ANGPT1: variants seen among roughly 807,000 people sequenced by gnomAD.
ANGPT1 encodes the protein angiopoietin 1, also known as angiopoietin-1.
In ANGPT1, 17 loss-of-function variants were observed where a neutral mutation model predicts 62.2. The ratio of observed to expected loss-of-function variants is 0.27; its 90% confidence interval spans 0.19 to 0.41. ANGPT1 has a LOEUF of 0.41. ANGPT1 is among the 10% of genes least tolerant of loss of function. ANGPT1 has a pLI of 1.00. For synonymous variants in ANGPT1, 199 were observed against 198.9 expected, an observed-to-expected ratio of 1.00 and a Z score of 0.00; for missense variants, 478 against 594.9, an observed-to-expected ratio of 0.80 and a Z score of 2.04.
chr8:107,402,539 G>A (rs187622574), intron 1 of ANGPT1, among the ~76,000 whole-genome samples: 8 of 152,304 alleles, frequency 5.3e-5, no homozygotes, highest in Non-Finnish European at 8.8e-5. Flanking sequence ...GCACTAGAGA[G>A]TTCTATTAAT....
chr8:107,258,379 C>T (rs758121291), intron 8 of ANGPT1, among the ~76,000 whole-genome samples: 1 of 152,016 alleles, frequency 6.6e-6, no homozygotes, highest in Non-Finnish European at 1.5e-5. Context: ...TTGGAAGCTT[C>T]ATATATGTTA....
intron 1 of ANGPT1, among the ~76,000 whole-genome samples, chr8:107,378,904 A>G (rs1428350787): frequency 6.7e-6 from 1 of 148,842 alleles, no homozygotes; most frequent in Non-Finnish European, 1.5e-5. Context: ...CAGTGTGAAA[A>G]TGAACAAATA....
At chr8:107,483,381 T>C (rs1812735119) in intron 1 of ANGPT1, among the ~76,000 whole-genome samples, 1 of 152,178 alleles carries the variant, frequency 6.6e-6, no homozygotes, top group Non-Finnish European at 1.5e-5. Context: ...GTATGAGTTT[T>C]CCACTGCTAT....
At chr8:107,421,227 C>T (rs1054946182) in intron 1 of ANGPT1, among the ~76,000 whole-genome samples, 11 of 152,074 alleles carry the variant, frequency 7.2e-5, no homozygotes, top group Non-Finnish European at 2.9e-5. Flanking sequence ...CTTCATTTTT[C>T]CAATAGCTGT....
chr8:107,461,132 G>A (rs1226417553), intron 1 of ANGPT1, among the ~76,000 whole-genome samples: 2 of 152,030 alleles, frequency 1.3e-5, no homozygotes, highest in African/African-American at 4.8e-5. Context: ...TATCATATTT[G>A]TCACTATCTT....
intron 5 of ANGPT1, among the ~76,000 whole-genome samples, chr8:107,300,069 GTATCTA>G (rs1470223444): frequency 7.6e-6 from 1 of 132,020 alleles, no homozygotes; most frequent in Non-Finnish European, 1.6e-5. Flanking sequence ...CTAGATATAG[GTATCTA>G]TATCTATAGA....
chr8:107,374,834 G>A (rs1816494349), intron 1 of ANGPT1, among the ~76,000 whole-genome samples: 2 of 152,166 alleles, frequency 1.3e-5, no homozygotes, highest in Admixed American at 6.5e-5. Flanking sequence ...AAATCTGGAT[G>A]GTATCAGATG....
At chr8:107,303,485 C>A in intron 4 of ANGPT1, 118 bp from the exon 5 acceptor site, 1 of 825,444 alleles carries the variant, frequency 1.2e-6, no homozygotes, top group Non-Finnish European at 1.8e-6. Flanking sequence ...CAATATCGCA[C>A]ATAGTAAAAA....
rs1357245684 is a variant in ANGPT1 at position 107,250,646 on chromosome 8, G to GT, written c.*1208dup. The stretch of plus-strand genomic sequence containing the variant: ...ATATTCCAGATTAATTAGCTATTAG[G>GT]TTTTTTGCAGATATAAACATGCTAT... On this transcript the variant is annotated 3_prime_UTR_variant, in exon 9 of 9. Transcript: ENST00000517746. The GT allele has an allele frequency of 6.6e-6, 1 of 151,888 alleles. No homozygotes were observed. Among genetic ancestry groups the GT allele is most frequent in the African/African-American group, 2.4e-5 (1 of 41,374 alleles). 9.4% of individuals were successfully genotyped at this position (151,888 alleles called of 1,614,324 possible). A position where few individuals can be genotyped will look rare whatever the true frequency, so the allele number is the denominator to read the frequency against.
At chr8:107,295,789 A>G (rs1814399051) in intron 5 of ANGPT1, among the ~76,000 whole-genome samples, 1 of 152,164 alleles carries the variant, frequency 6.6e-6, no homozygotes, top group South Asian at 2.1e-4. Flanking sequence ...TAGACCAAGG[A>G]TAAAAATATG....
At chr8:107,419,318 A>G (rs980886511) in intron 1 of ANGPT1, among the ~76,000 whole-genome samples, 1 of 152,180 alleles carries the variant, frequency 6.6e-6, no homozygotes, top group Non-Finnish European at 1.5e-5. Context: ...GAAGTAGGTC[A>G]TAAAACTTTC....
At chr8:107,323,509 G>C (rs527305522) in intron 3 of ANGPT1, among the ~76,000 whole-genome samples, 2 of 152,142 alleles carry the variant, frequency 1.3e-5, no homozygotes, top group African/African-American at 4.8e-5. Flanking sequence ...GGTACTGGGG[G>C]ACAAAGTGTA....
At chr8:107,395,645 C>T (rs1450437001) in intron 1 of ANGPT1, among the ~76,000 whole-genome samples, 3 of 152,084 alleles carry the variant, frequency 2.0e-5, no homozygotes, top group Non-Finnish European at 4.4e-5. Context: ...TTTGTAATAT[C>T]TACAACTAAG....
chr8:107,282,438 ATG>A (rs10565769), intron 7 of ANGPT1, among the ~76,000 whole-genome samples: 129,110 of 142,874 alleles, frequency 0.9, 58,235 homozygotes, highest in Middle Eastern at 0.96. Context: ...ATATGTGTGT[ATG>A]TGTGTGTGTG....
rs557184824 is a variant in ANGPT1 at position 107,458,693 on chromosome 8, T to C, written c.297+38569A>G. Reference sequence around the variant, plus strand: ...CTGTTATAAATAGAAAGGTGAACTCTAAATATCAGCTTCTTCCTCTCCACT... The same window carrying C: ...CTGTTATAAATAGAAAGGTGAACTCCAAATATCAGCTTCTTCCTCTCCACT... On this transcript the variant is annotated intron_variant, in intron 1 of 8. Coordinates refer to ENST00000517746, the MANE Select transcript of ANGPT1 (RefSeq NM_001146.5). Among the ~76,000 whole-genome samples, 232 of 152,236 alleles carry C rather than the reference T, an allele frequency of 1.5e-3. 5 individuals are homozygous for C. The South Asian group carries it at 0.047, about 31-fold the overall frequency.
At chr8:107,268,548 TAGAA>T (rs1813668125) in intron 7 of ANGPT1, among the ~76,000 whole-genome samples, 1 of 151,922 alleles carries the variant, frequency 6.6e-6, no homozygotes, top group East Asian at 1.9e-4. Flanking sequence ...ATTATGCAGA[TAGAA>T]TAAAGGAAAA....
intron 6 of ANGPT1, among the ~76,000 whole-genome samples, chr8:107,289,274 C>G (rs114994182): frequency 2.6e-5 from 4 of 152,106 alleles, no homozygotes; most frequent in Admixed American, 1.3e-4. Flanking sequence ...GAAAGATCAA[C>G]ATTTGTTAGT....
At chr8:107,306,477 T>C (rs1814720759) in intron 4 of ANGPT1, among the ~76,000 whole-genome samples, 1 of 152,158 alleles carries the variant, frequency 6.6e-6, no homozygotes, top group Non-Finnish European at 1.5e-5. Context: ...TGTCAACATG[T>C]TGGTTATAGA....
Position 107,350,334 on chromosome 8 carries a change from G to T in ANGPT1, c.298-3237C>A, listed in dbSNP as rs144676850. Among the ~76,000 whole-genome samples, 14 of 152,182 alleles carry T rather than the reference G, an allele frequency of 9.2e-5. No homozygotes were observed. In the East Asian group the frequency reaches 2.5e-3, roughly 27 times the overall value. ...GTGAGCTCCAATACAAGATCTGCTT[G>T]ATAATTGTACATCAATTTCTTATGC... On this transcript the variant is annotated intron_variant, in intron 1 of 8. Coordinates refer to ENST00000517746, the MANE Select transcript of ANGPT1 (RefSeq NM_001146.5).
Sources: gnomAD v4.1 joint callset for allele counts (sites outside exome capture counted in the v4.1 genomes callset) on GRCh38, gnomAD v4.1.1 for gene constraint, MANE v1.5 for transcripts, NCBI Gene and HGNC (gene_info 2026-07-23, HGNC 2026-07-21) for gene names.